The following TOM1L2 variants were observed in gnomAD, a reference collection of about 807,000 sequenced individuals.
TOM1L2 encodes target of myb1 like 2 membrane trafficking protein.
In TOM1L2, 31 loss-of-function variants were observed where a neutral mutation model predicts 67.9. The observed-to-expected ratio is 0.46, with a 90% confidence interval of 0.34 to 0.62. The LOEUF (loss-of-function observed/expected upper bound fraction) is 0.62, where lower values mean the gene tolerates loss of function less well. Ranked by LOEUF, TOM1L2 falls within the 20% of genes least tolerant of loss-of-function variation. TOM1L2 has a pLI of 0.01. For synonymous variants in TOM1L2, 256 were observed against 254.0 expected (o/e 1.01, Z -0.07); for missense variants, 606 against 663.5 (o/e 0.91, Z 0.95).
chr17:17,907,526 C>T lies in TOM1L2; in HGVS notation c.58G>A (p.Ala20Thr), dbSNP rs1179016582. Reference sequence around the variant, plus strand: ...TCACTTTGCAGGGAGCCATCTGTTGCCTTTTCTGTGAAATCAGAGAGAAAA... The same window carrying T: ...TCACTTTGCAGGGAGCCATCTGTTGTCTTTTCTGTGAAATCAGAGAGAAAA... ...STPVGQCLEK[A>T]TDGSLQSEDW... The change falls in exon 2 of 15, where the codon GCA (alanine) becomes ACA (threonine). Residue 20 changes from alanine to threonine, a missense_variant. This residue lies in a region of TOM1L2 where 63 missense variants were observed against 109.5 expected (regional missense o/e 0.58). Transcript: ENST00000379504. 1 of 1,613,598 alleles carries T rather than the reference C, an allele frequency of 6.2e-7. No individual in the cohort carries two copies. The highest frequency in any genetic ancestry group is 8.5e-7 in the Non-Finnish European group (1 of 1,179,792).
In TOM1L2 at chr17:17,848,874, G is replaced by A. The variant is rs755236976; in HGVS notation, c.1339-15C>T. 4.6e-5 allele frequency: 74 copies of A among 1,614,052 alleles called. No homozygotes were observed. The highest frequency in any genetic ancestry group is 3.3e-4 in the Middle Eastern group (2 of 6,084). On this transcript the variant is annotated splice_polypyrimidine_tract_variant and intron_variant, in intron 13 of 14. Coordinates refer to ENST00000379504, the MANE Select transcript of TOM1L2 (RefSeq NM_001082968.2). ...TCATCACCCTTCTGTGGGAGGAGCAGAGAAAATGAAATTAGGGCACTGGTC... is the reference window on the plus strand; with the variant it reads ...TCATCACCCTTCTGTGGGAGGAGCAAAGAAAATGAAATTAGGGCACTGGTC...
intron 12 of TOM1L2, among the ~76,000 whole-genome samples, chr17:17,854,229 C>T (rs2036145544): frequency 6.6e-6 from 1 of 152,164 alleles, no homozygotes; most frequent in Non-Finnish European, 1.5e-5. Flanking sequence ...TCAGACTAAA[C>T]ATGTACACTG....
intron 1 of TOM1L2, among the ~76,000 whole-genome samples, chr17:17,922,393 G>A (rs759911481): frequency 1.3e-5 from 2 of 152,158 alleles, no homozygotes; most frequent in African/African-American, 4.8e-5. Context: ...AGGCAACATG[G>A]GGCTTTTCAA....
intron 3 of TOM1L2, among the ~76,000 whole-genome samples, chr17:17,895,423 G>A (rs187163545): frequency 2.9e-4 from 44 of 152,314 alleles, no homozygotes; most frequent in Middle Eastern, 3.4e-3. Context: ...AAACATAGCC[G>A]TAAAGAAAGG....
intron 1 of TOM1L2, among the ~76,000 whole-genome samples, chr17:17,919,120 T>A (rs949844611): frequency 2.6e-5 from 4 of 152,214 alleles, no homozygotes; most frequent in African/African-American, 9.6e-5. Flanking sequence ...AATTACTGTG[T>A]GACTACAGGC....
intron 1 of TOM1L2, among the ~76,000 whole-genome samples, chr17:17,952,207 G>C (rs1213797407): frequency 6.6e-6 from 1 of 151,946 alleles, no homozygotes; most frequent in East Asian, 1.9e-4. Context: ...CAATGACATG[G>C]CAAAACAAAA....
At chr17:17,969,145 C>T (rs1314861192) in intron 1 of TOM1L2, among the ~76,000 whole-genome samples, 4 of 151,824 alleles carry the variant, frequency 2.6e-5, no homozygotes, top group Non-Finnish European at 5.9e-5. Context: ...CAACCTCTGC[C>T]TCCCAGGTTC....
At chr17:17,954,312 C>CTTTTTTTTT (rs5819638) in intron 1 of TOM1L2, among the ~76,000 whole-genome samples, 1 of 134,698 alleles carries the variant, frequency 7.4e-6, no homozygotes, top group Non-Finnish European at 1.6e-5. Flanking sequence ...ATAAATCATT[C>CTTTTTTTTT]TTTTTTTTTT....
intron 4 of TOM1L2, among the ~76,000 whole-genome samples, chr17:17,886,814 T>TC (rs1336062686): frequency 6.6e-6 from 1 of 152,196 alleles, no homozygotes; most frequent in Non-Finnish European, 1.5e-5. Context: ...GCACTCTGCT[T>TC]CCATGTTCAC....
intron 1 of TOM1L2, among the ~76,000 whole-genome samples, chr17:17,931,845 TCTTC>T (rs1357464532): frequency 2.0e-5 from 3 of 152,206 alleles, no homozygotes; most frequent in African/African-American, 4.8e-5. Context: ...ATAAAGATCC[TCTTC>T]CTTGTCAGAA....
At chr17:17,872,145 C>T in intron 7 of TOM1L2, 1 of 614,866 alleles carries the variant, frequency 1.6e-6, no homozygotes, top group African/African-American at 2.0e-5. Flanking sequence ...GGAAAACCAA[C>T]AACACAGGGG....
chr17:17,878,438 C>G (rs1204551946), intron 7 of TOM1L2, among the ~76,000 whole-genome samples: 3 of 152,240 alleles, frequency 2.0e-5, no homozygotes, highest in Admixed American at 2.0e-4. Context: ...GCTCATGCAC[C>G]TCTGTGCCCC....
intron 1 of TOM1L2, among the ~76,000 whole-genome samples, chr17:17,921,521 A>G (rs2039869077): frequency 1.3e-5 from 2 of 152,148 alleles, no homozygotes; most frequent in African/African-American, 4.8e-5. Context: ...ATTTAGGGCC[A>G]GGATGGAAAT....
intron 1 of TOM1L2, among the ~76,000 whole-genome samples, chr17:17,913,534 G>C (rs1053710755): frequency 6.6e-6 from 1 of 152,144 alleles, no homozygotes; most frequent in African/African-American, 2.4e-5. Flanking sequence ...ACTGATTTGA[G>C]CTCCTCTGTC....
intron 1 of TOM1L2, among the ~76,000 whole-genome samples, chr17:17,970,704 G>T (rs1006371777): frequency 6.6e-6 from 1 of 152,130 alleles, no homozygotes; most frequent in Non-Finnish European, 1.5e-5. Flanking sequence ...GTAAAGAAAG[G>T]CTCCTAAATG....
chr17:17,958,307 G>A (rs578006170), intron 1 of TOM1L2, among the ~76,000 whole-genome samples: 41 of 152,268 alleles, frequency 2.7e-4, no homozygotes, highest in African/African-American at 9.9e-4. Flanking sequence ...GACTTTCCCA[G>A]TCCTAGCCTG....
intron 5 of TOM1L2, among the ~76,000 whole-genome samples, chr17:17,883,899 G>T (rs1388027276): frequency 6.6e-6 from 1 of 152,166 alleles, no homozygotes; most frequent in African/African-American, 2.4e-5. Flanking sequence ...CTGGGATGAG[G>T]TGCCTCTCCC....
intron 12 of TOM1L2, among the ~76,000 whole-genome samples, chr17:17,853,619 T>A (rs2036111970): frequency 1.3e-5 from 2 of 152,058 alleles, no homozygotes; most frequent in Admixed American, 1.3e-4. Flanking sequence ...TCCAAATAAG[T>A]AGTATGTTTA....
chr17:17,869,279 CCT>C (rs1343594961), intron 8 of TOM1L2, 59 bp downstream of exon 8: 2 of 1,598,138 alleles, frequency 1.3e-6, no homozygotes, highest in East Asian at 2.2e-5. Context: ...GAAAGAAATC[CCT>C]CTGTTATGGC....
Sources: gnomAD v4.1 joint callset for allele counts (sites outside exome capture counted in the v4.1 genomes callset) on GRCh38, gnomAD v4.1.1 for gene constraint, gnomAD v4.1.1 regional missense constraint, MANE v1.5 for transcripts, NCBI Gene and HGNC (gene_info 2026-07-23, HGNC 2026-07-21) for gene names.